STK33: variants seen among roughly 807,000 people sequenced by gnomAD.
The protein encoded by STK33 is serine/threonine kinase 33.
In STK33, 52 loss-of-function variants were observed where a neutral mutation model predicts 58.0. The ratio of observed to expected loss-of-function variants is 0.90; its 90% CI spans 0.72 to 1.13. The LOEUF is 1.13. STK33 is among the 50% of genes most tolerant of loss of function. STK33 has a pLI of 0.00. For missense variants in STK33, 630 were observed against 604.2 expected (o/e 1.04, Z -0.45); for synonymous variants, 215 against 200.1 (o/e 1.07, Z -0.63).
chr11:8,468,539 T>C (rs1235768292), intron 6 of STK33, among the ~76,000 whole-genome samples: 1 of 152,234 alleles, frequency 6.6e-6, no homozygotes, highest in Admixed American at 6.5e-5. Context: ...TTTACTCCTT[T>C]CACCATGTAT....
intron 11 of STK33, among the ~76,000 whole-genome samples, chr11:8,445,475 C>T (rs1349981439): frequency 1.3e-5 from 2 of 152,222 alleles, no homozygotes; most frequent in African/African-American, 2.4e-5. Context: ...AAAGGGAATG[C>T]TTCCAGCTTT....
At chr11:8,376,040 G>C in the STK33 span, among the ~76,000 whole-genome samples, 5 of 152,264 alleles carry the variant, frequency 3.3e-5, no homozygotes, top group East Asian at 9.6e-4. Flanking sequence ...ACATACAACA[G>C]GGCAAATGCA....
At chr11:8,534,198 C>T (rs979261127) in intron 1 of STK33, among the ~76,000 whole-genome samples, 3 of 151,984 alleles carry the variant, frequency 2.0e-5, no homozygotes, top group Non-Finnish European at 4.4e-5. Context: ...TCGCTTGAAC[C>T]CGGGAGGCAG....
Position 8,441,443 on chromosome 11 carries a change from C to T in STK33, c.872-690G>A, listed in dbSNP as rs550101257. ...CACAGTTCACTGCAGCCTCAAACTACTAGGTTCAAGGTATCATCCCACCGC... is the reference window on the plus strand; with the variant it reads ...CACAGTTCACTGCAGCCTCAAACTATTAGGTTCAAGGTATCATCCCACCGC... On this transcript the variant is annotated intron_variant, in intron 11 of 15. Transcript: ENST00000687296. 5.9e-5 allele frequency among the ~76,000 whole-genome samples: 9 copies of T among 152,062 alleles called. No homozygotes were observed. The South Asian group carries it at 1.9e-3, about 32-fold the overall frequency.
intron 14 of STK33, among the ~76,000 whole-genome samples, chr11:8,426,755 C>G (rs572508009): frequency 2.0e-5 from 3 of 152,232 alleles, no homozygotes; most frequent in African/African-American, 7.2e-5. Context: ...TGGGTTTACT[C>G]TGTTAAAATT....
the STK33 span, among the ~76,000 whole-genome samples, chr11:8,379,963 T>G: frequency 6.6e-6 from 1 of 152,232 alleles, no homozygotes; most frequent in Admixed American, 6.5e-5. Flanking sequence ...GTGACCTCAT[T>G]TATTTTTGTG....
At chr11:8,396,582 A>G (rs891607414) in intron 15 of STK33, among the ~76,000 whole-genome samples, 2 of 152,184 alleles carry the variant, frequency 1.3e-5, no homozygotes, top group African/African-American at 4.8e-5. Context: ...CTGCATTTCC[A>G]ACTGAGGTAC....
intron 1 of STK33, among the ~76,000 whole-genome samples, chr11:8,509,871 G>A (rs1449629826): frequency 3.3e-5 from 5 of 152,110 alleles, no homozygotes; most frequent in African/African-American, 1.2e-4. Flanking sequence ...AGTATTCCAT[G>A]CTGTGTACAT....
intron 15 of STK33, among the ~76,000 whole-genome samples, chr11:8,406,142 C>CAAAAA (rs59336494): frequency 8.4e-5 from 8 of 94,692 alleles, no homozygotes; most frequent in East Asian, 3.2e-4. Flanking sequence ...GACTCCGTCT[C>CAAAAA]AAAAAAAAAA....
chr11:8,434,264 A>G, intron 14 of STK33: 1 of 215,742 alleles, frequency 4.6e-6, no homozygotes, highest in Non-Finnish European at 9.2e-6. Context: ...AAAAAAAAAA[A>G]AAGAATATTA....
rs557226137 is a variant in STK33 at position 8,489,284 on chromosome 11, G to GA, written c.-465-8671dup. ...AAAAAAAAAAAAAGAAAAAAAAAAA[G>GA]AAAGAAAAGAAAAGAACTAAAAGAA... On this transcript the variant is annotated intron_variant, in intron 1 of 15. Transcript: ENST00000687296. Among the ~76,000 whole-genome samples, 488 of 116,502 alleles carry GA rather than the reference G, an allele frequency of 4.2e-3. 1 individual carries two copies. The highest frequency in any genetic ancestry group is 0.015 in the African/African-American group (468 of 32,140). The allele number at this position is 116,502 out of a possible 152,430, so 76.4% of individuals were successfully genotyped here. A position where few individuals can be genotyped will look rare whatever the true frequency, so the allele number is the denominator to read the frequency against.
chr11:8,356,786 G>A, the STK33 span, among the ~76,000 whole-genome samples: 24 of 152,294 alleles, frequency 1.6e-4, no homozygotes, highest in African/African-American at 4.6e-4. Flanking sequence ...TAGCTGGACC[G>A]TGACTCATGG....
chr11:8,367,615 T>C, the STK33 span, among the ~76,000 whole-genome samples: 1 of 152,296 alleles, frequency 6.6e-6, no homozygotes, highest in Admixed American at 6.5e-5. Flanking sequence ...AGACTAAAGA[T>C]GCTTTTCAAA....
chr11:8,457,320 G>T, intron 9 of STK33, 21 bp downstream of exon 9: 1 of 1,511,526 alleles, frequency 6.6e-7, no homozygotes, highest in Non-Finnish European at 9.0e-7. Flanking sequence ...GGGTCAATGA[G>T]CTGGATAACC....
At chr11:8,462,048 T>C in intron 7 of STK33, 139 bp from the exon 8 acceptor site, 1 of 572,864 alleles carries the variant, frequency 1.7e-6, no homozygotes, top group Non-Finnish European at 2.9e-6. Flanking sequence ...TTTGAGATGT[T>C]TCTTTTTCAA....
At chr11:8,357,064 C>T in the STK33 span, among the ~76,000 whole-genome samples, 1 of 152,238 alleles carries the variant, frequency 6.6e-6, no homozygotes, top group African/African-American at 2.4e-5. Context: ...AGCTGTCTCC[C>T]TCCTTCCCGG....
At chr11:8,540,117 T>C (rs1955390623) in intron 1 of STK33, among the ~76,000 whole-genome samples, 1 of 152,138 alleles carries the variant, frequency 6.6e-6, no homozygotes, top group Admixed American at 6.5e-5. Flanking sequence ...CACTCCCATG[T>C]TGATTACCGC....
At chr11:8,407,761 C>A (rs1285079009) in intron 15 of STK33, among the ~76,000 whole-genome samples, 1 of 151,698 alleles carries the variant, frequency 6.6e-6, no homozygotes, top group Admixed American at 6.6e-5. Flanking sequence ...TAATTGGAGT[C>A]TCAGAAAAAA....
At position 8,450,732 on chromosome 11, in the gene STK33, T is replaced by C. The variant is rs368216948; in HGVS notation, c.871+2090A>G. ...GAAGAAAAGCTACAGTCAAAGCTCC[T>C]AAATAAAAGTGCTGACAAATTGAAT... is the stretch of plus-strand genomic sequence containing the variant. On this transcript the variant is annotated intron_variant, in intron 11 of 15. Coordinates refer to ENST00000687296, the MANE Select transcript of STK33 (RefSeq NM_001352389.2). Among the ~76,000 whole-genome samples, 294 of 152,216 alleles carry C rather than the reference T, an allele frequency of 1.9e-3. 2 individuals are homozygous for C. The highest frequency in any genetic ancestry group is 6.7e-3 in the African/African-American group (279 of 41,542).
Sources: gnomAD v4.1 joint callset for allele counts (sites outside exome capture counted in the v4.1 genomes callset) on GRCh38, gnomAD v4.1.1 for gene constraint, MANE v1.5 for transcripts, NCBI Gene and HGNC (gene_info 2026-07-23, HGNC 2026-07-21) for gene names.